Variants in CSMD3 observed in about 807,000 individuals in gnomAD.
The protein encoded by CSMD3 is CUB and sushi domain-containing protein 3.
A neutral mutation model predicts 435.2 loss-of-function variants in CSMD3; 177 were observed. That is an observed-to-expected ratio of 0.41 (90% CI 0.36 to 0.46). The LOEUF (loss-of-function observed/expected upper bound fraction) is 0.46. Ranked by LOEUF, CSMD3 falls within the 20% of genes least tolerant of loss-of-function variation. CSMD3 has a pLI of 0.34. For missense variants in CSMD3, 4,265 were observed against 4,504.6 expected (o/e 0.95, Z 1.52); for synonymous variants, 1,656 against 1,520.5 (o/e 1.09, Z -2.07).
chr8:112,791,435 T>G (rs57271603), intron 13 of CSMD3, among the ~76,000 whole-genome samples: 3,387 of 152,164 alleles, frequency 0.022, 109 homozygotes, highest in African/African-American at 0.077. Context: ...ATAATCTGCT[T>G]TCAGTCACTA....
intron 7 of CSMD3, among the ~76,000 whole-genome samples, chr8:112,956,489 A>T (rs1281682500): frequency 6.6e-6 from 1 of 152,150 alleles, no homozygotes; most frequent in Non-Finnish European, 1.5e-5. Flanking sequence ...ATAAGTAGGA[A>T]TCTACCTCTA....
At chr8:112,300,757 G>A (rs576608382) in intron 53 of CSMD3, among the ~76,000 whole-genome samples, 1 of 152,190 alleles carries the variant, frequency 6.6e-6, no homozygotes, top group African/African-American at 2.4e-5. Flanking sequence ...ATTAACAAAT[G>A]TGCCTGAGAA....
chr8:113,268,439 T>C (rs1255995521), intron 3 of CSMD3, among the ~76,000 whole-genome samples: 2 of 151,864 alleles, frequency 1.3e-5, no homozygotes, highest in Non-Finnish European at 2.9e-5. Context: ...TTCAAGTGTA[T>C]GGTAGAAATT....
intron 1 of CSMD3, among the ~76,000 whole-genome samples, chr8:113,377,584 A>G (rs1287334400): frequency 1.3e-5 from 2 of 152,104 alleles, no homozygotes; most frequent in Non-Finnish European, 2.9e-5. Context: ...ACACATTTCA[A>G]TTTTTCTACG....
chr8:113,408,517 C>T (rs531682938), intron 1 of CSMD3, among the ~76,000 whole-genome samples: 2 of 152,066 alleles, frequency 1.3e-5, no homozygotes, highest in African/African-American at 4.8e-5. Flanking sequence ...GAGCTCGATT[C>T]TATAGTTTTT....
chr8:113,075,868 C>T lies in CSMD3; in HGVS notation c.917+22888G>A, dbSNP rs2089314261. ...TAAAGAATGCACCAGTGATATCCTG[C>T]AAAGATAAAAATATTCTATTGGCAA... is the stretch of plus-strand genomic sequence containing the variant. On this transcript the variant is annotated intron_variant, in intron 5 of 70. Coordinates refer to ENST00000297405, the MANE Select transcript of CSMD3 (RefSeq NM_198123.2). Among the ~76,000 whole-genome samples, 5 of 151,760 alleles carry T rather than the reference C, an allele frequency of 3.3e-5. No homozygotes were observed. In the South Asian group the frequency reaches 1.0e-3, roughly 32 times the overall value.
intron 32 of CSMD3, among the ~76,000 whole-genome samples, chr8:112,457,984 G>C (rs1450408989): frequency 6.6e-6 from 1 of 151,900 alleles, no homozygotes; most frequent in East Asian, 1.9e-4. Context: ...CCTCACCCAG[G>C]ATAAAGGATT....
At chr8:113,364,036 T>C (rs1462626727) in intron 1 of CSMD3, among the ~76,000 whole-genome samples, 3 of 152,164 alleles carry the variant, frequency 2.0e-5, no homozygotes, top group African/African-American at 4.8e-5. Context: ...TTTGAGTTAA[T>C]TTCTATGAAA....
chr8:112,942,703 C>T (rs1271856979), intron 9 of CSMD3, among the ~76,000 whole-genome samples: 1 of 151,510 alleles, frequency 6.6e-6, no homozygotes. Context: ...GTCACTGGGG[C>T]CTACTTGAGG....
intron 4 of CSMD3, among the ~76,000 whole-genome samples, chr8:113,126,803 GT>G (rs1468870182): frequency 1.3e-5 from 2 of 151,752 alleles, no homozygotes; most frequent in African/African-American, 4.8e-5. Flanking sequence ...GCAAGCCTCG[GT>G]TATTTCCACC....
At chr8:112,947,936 G>T (rs950281148) in intron 8 of CSMD3, 59 bp from the exon 9 acceptor site, 141 of 744,476 alleles carry the variant, frequency 1.9e-4, no homozygotes, top group Non-Finnish European at 3.0e-4. Context: ...GAAAATCGAT[G>T]ATATTAATTT....
intron 7 of CSMD3, among the ~76,000 whole-genome samples, chr8:112,955,853 AT>A (rs918554927): frequency 2.0e-5 from 3 of 151,856 alleles, no homozygotes; most frequent in African/African-American, 7.2e-5. Flanking sequence ...AGCAAAAATG[AT>A]TTTTTGTTAG....
At chr8:112,594,592 C>A (rs1431381768) in intron 22 of CSMD3, among the ~76,000 whole-genome samples, 1 of 152,196 alleles carries the variant, frequency 6.6e-6, no homozygotes, top group Non-Finnish European at 1.5e-5. Flanking sequence ...CAGCAGTAAC[C>A]TCTGCAGACT....
At chr8:112,872,346 A>G (rs2081159501) in intron 10 of CSMD3, among the ~76,000 whole-genome samples, 1 of 152,044 alleles carries the variant, frequency 6.6e-6, no homozygotes, top group South Asian at 2.1e-4. Flanking sequence ...TCTGCACTAA[A>G]AGAAAGCATA....
intron 27 of CSMD3, among the ~76,000 whole-genome samples, chr8:112,522,200 T>C (rs1270082536): frequency 3.3e-5 from 5 of 151,834 alleles, no homozygotes; most frequent in African/African-American, 9.7e-5. Context: ...ATGGCTAAAA[T>C]TCTCATTACC....
intron 10 of CSMD3, among the ~76,000 whole-genome samples, chr8:112,907,596 G>A (rs938692203): frequency 2.0e-5 from 3 of 151,230 alleles, no homozygotes. Flanking sequence ...AAAGGAGACT[G>A]AACTCAGGTC....
chr8:112,622,235 A>T (rs921935620), intron 22 of CSMD3, among the ~76,000 whole-genome samples: 1 of 152,114 alleles, frequency 6.6e-6, no homozygotes, highest in East Asian at 1.9e-4. Context: ...ATATTCTTCA[A>T]TTCTCAAAAA....
intron 17 of CSMD3, among the ~76,000 whole-genome samples, chr8:112,661,574 AT>A (rs2075380802): frequency 6.6e-6 from 1 of 152,146 alleles, no homozygotes. Context: ...CTAGGTGTTT[AT>A]TTATTTAATG....
At chr8:112,828,212 T>C (rs1380492376) in intron 12 of CSMD3, among the ~76,000 whole-genome samples, 1 of 152,180 alleles carries the variant, frequency 6.6e-6, no homozygotes, top group Non-Finnish European at 1.5e-5. Context: ...AAATTGTTGC[T>C]CAGGTGCAAC....
Sources: allele counts gnomAD v4.1 joint callset (sites outside exome capture counted in the v4.1 genomes callset), GRCh38; gene constraint gnomAD v4.1.1; transcripts MANE v1.5; gene names NCBI Gene and HGNC (gene_info 2026-07-23, HGNC 2026-07-21).